IL17RC: variants seen among roughly 807,000 people sequenced by gnomAD.
IL17RC encodes the protein interleukin 17 receptor C.
IL17RC carries 53 observed loss-of-function variants against 86.7 expected under a neutral mutation model. The observed-to-expected ratio is 0.61, with a 90% CI of 0.49 to 0.77. The LOEUF (loss-of-function observed/expected upper bound fraction) is 0.77, where lower values mean the gene tolerates loss of function less well. Ranked by LOEUF, IL17RC falls within the 30% of genes least tolerant of loss-of-function variation. The probability of loss-of-function intolerance (pLI) is 0.00; values close to 1 mark genes in which losing one functional copy is unlikely to be tolerated. For synonymous variants in IL17RC, 439 were observed against 413.1 expected, an observed-to-expected ratio of 1.06 and a Z score of -0.76; for missense variants, 957 against 940.0, an observed-to-expected ratio of 1.02 and a Z score of -0.24.
chr3:9,933,055 TGC>T lies in IL17RC; in HGVS notation c.1629_1630del (p.Val544GlyfsTer9), dbSNP rs759393049. ...GCGTCGGCCCTGTGCCAGCTGCCGC[TGC>T]GCGTGGCCGTAGACCTGTGGAGCCG... On this transcript the variant is annotated frameshift_variant, in exon 19 of 19. Coordinates refer to ENST00000403601, the MANE Select transcript of IL17RC (RefSeq NM_153460.4). LOFTEE classifies it low-confidence loss of function (END_TRUNC). 1 of 1,546,826 alleles carries T rather than the reference TGC, an allele frequency of 6.5e-7. No homozygotes were observed. Among genetic ancestry groups the T allele is most frequent in the Non-Finnish European group, 8.6e-7 (1 of 1,156,590 alleles).
At position 9,933,393 on chromosome 3, in the gene IL17RC, C is replaced by T; in HGVS notation, c.1963C>T (p.Leu655=). The T allele has an allele frequency of 1.2e-6, 2 of 1,613,242 alleles. No homozygotes were observed. The highest frequency in any genetic ancestry group is 1.1e-5 in the South Asian group (1 of 90,990). The part of the protein sequence containing the change: ...ALFRTVPVFT[L]PSQLPDFLGA... ...TTTCCGCACCGTGCCCGTCTTCACA[C>T]TGCCCTCCCAACTGCCAGACTTCCT... The change falls in exon 19 of 19, where the codon CTG becomes TTG. Residue 655 remains leucine (L), a synonymous_variant. Coordinates refer to ENST00000403601, the MANE Select transcript of IL17RC (RefSeq NM_153460.4).
chr3:9,919,887 AAG>A (rs2083404355), intron 5 of IL17RC, among the ~76,000 whole-genome samples: 1 of 152,080 alleles, frequency 6.6e-6, no homozygotes, highest in African/African-American at 2.4e-5. Context: ...GGACCAAAGA[AAG>A]AGTCCTACCA....
Position 9,917,137 on chromosome 3 carries a change from A to G in IL17RC, c.-179A>G. ...CCGTGCTGGAAGTAGGAGGAGAGTC[A>G]GGACTCCCAGGACAGAGAGTGCACA... is the stretch of plus-strand genomic sequence containing the variant. On this transcript the variant is annotated 5_prime_UTR_variant, in exon 1 of 19. Coordinates refer to ENST00000403601, the MANE Select transcript of IL17RC (RefSeq NM_153460.4). 1.7e-6 allele frequency: 1 copy of G among 597,872 alleles called. No individual in the cohort carries two copies. Among genetic ancestry groups the G allele is most frequent in the Non-Finnish European group, 3.0e-6 (1 of 337,202 alleles). The allele number at this position is 597,872 out of a possible 1,614,324, so 37.0% of individuals were successfully genotyped here.
At chr3:9,917,606 G>C in intron 1 of IL17RC, 107 bp from the exon 2 acceptor site, 1 of 1,614,146 alleles carries the variant, frequency 6.2e-7, no homozygotes, top group African/African-American at 1.3e-5. Context: ...CTCTGGGAGG[G>C]TCTGGGAATA....
chr3:9,931,471 A>ACACATATATATATATAATAAGTGTG (rs1491160591), intron 16 of IL17RC, among the ~76,000 whole-genome samples: 1 of 5,254 alleles, frequency 1.9e-4, no homozygotes, highest in African/African-American at 2.3e-4. Flanking sequence ...ACACACACAC[A>ACACATATATATATATAATAAGTGTG]TATATATATA....
chr3:9,917,588 C>T (rs750101907), intron 1 of IL17RC, 125 bp from the exon 2 acceptor site: 3 of 1,614,134 alleles, frequency 1.9e-6, no homozygotes, highest in Admixed American at 1.7e-5. Context: ...AGAGCTGGGT[C>T]TGTCTTTCTC....
rs1192758172 is a variant in IL17RC, at chr3:9,918,580, G to A, written c.436G>A (p.Ala146Thr). ...CGTCCTGCTGGAGGTGCAAGTGCCT[G>A]CTGCCCTTGTGCAGTTTGGTCAGTC... ...RCVLLEVQVP[A>T]ALVQFGQSVG... is the part of the protein sequence containing the mutation. Residue 146 changes from alanine (A) to threonine (T), a missense_variant, in exon 5 of 19, where the codon GCT (alanine) becomes ACT (threonine). Ala to Thr is a moderately conservative substitution (Grantham distance 58). Transcript: ENST00000403601. The A allele has an allele frequency of 6.2e-7, 1 of 1,613,842 alleles. No individual in the cohort carries two copies. The highest frequency in any genetic ancestry group is 1.7e-5 in the Admixed American group (1 of 60,024).
Position 9,928,166 on chromosome 3 carries a change from G to A in IL17RC, c.823G>A (p.Val275Met), listed in dbSNP as rs200405939. Residue 275 changes from valine to methionine, a missense_variant and splice_region_variant, in exon 10 of 19, where the codon GTG (valine) becomes ATG (methionine). Val to Met is a conservative substitution (Grantham distance 21). Coordinates refer to ENST00000403601, the MANE Select transcript of IL17RC (RefSeq NM_153460.4). ...GAGCAGACCCCCATTTCCTTTCCAG[G>A]TGTGGCCTCTGGAACCTGACTCCGT... ...TDLVPCLCIQ[V>M]WPLEPDSVRT... 355 of 1,614,078 alleles carry A rather than the reference G, an allele frequency of 2.2e-4. No individual in the cohort carries two copies. The highest frequency in any genetic ancestry group is 2.9e-4 in the Non-Finnish European group (342 of 1,179,952).
intron 16 of IL17RC, among the ~76,000 whole-genome samples, chr3:9,931,782 G>A (rs1196509756): frequency 1.3e-5 from 2 of 150,866 alleles, no homozygotes; most frequent in African/African-American, 4.9e-5. Context: ...TGGGATTATA[G>A]TCGTGAGTCA....
In IL17RC at chr3:9,923,880, G is replaced by C. The variant is rs1421379013; in HGVS notation, c.623-1G>C. ...TGCGCTCTCTTTGCCTCTCCCACCA[G>C]CCCTGCCCTGGCTCAACGTGTCAGC... On this transcript the variant is annotated splice_acceptor_variant, in intron 7 of 18. Transcript: ENST00000403601. LOFTEE classifies it high-confidence loss of function. 1.2e-6 allele frequency: 2 copies of C among 1,613,902 alleles called. No homozygotes were observed. Among genetic ancestry groups the C allele is most frequent in the Admixed American group, 3.3e-5 (2 of 60,010 alleles).
At chr3:9,928,809 G>A (rs115727962) in intron 12 of IL17RC, among the ~76,000 whole-genome samples, 179 bp downstream of exon 12, 310 of 152,246 alleles carry the variant, frequency 2.0e-3, no homozygotes, top group African/African-American at 7.1e-3. Context: ...CTCTCTGAAC[G>A]TCAGTTTCCT....
chr3:9,930,487 T>C lies in IL17RC; in HGVS notation c.1338+28T>C. 6.2e-7 allele frequency: 1 copy of C among 1,609,184 alleles called. No individual in the cohort carries two copies. Among genetic ancestry groups the C allele is most frequent in the Non-Finnish European group, 8.5e-7 (1 of 1,175,992 alleles). On this transcript the variant is annotated intron_variant, in intron 15 of 18. Coordinates refer to ENST00000403601, the MANE Select transcript of IL17RC (RefSeq NM_153460.4). This position sits in a 1 kb window ranked among gnomAD's most constrained non-coding sequence, Gnocchi z 5.8. Reference sequence around the variant, plus strand: ...GAGCTGGTGGAAGAAGGGCCCCACCTCAATGCCTAGGGGCAACAGGCCTAA... The same window carrying C: ...GAGCTGGTGGAAGAAGGGCCCCACCCCAATGCCTAGGGGCAACAGGCCTAA...
At chr3:9,927,927 C>T (rs896379890) in intron 9 of IL17RC, among the ~76,000 whole-genome samples, 9 of 150,538 alleles carry the variant, frequency 6.0e-5, no homozygotes, top group East Asian at 1.9e-4. Context: ...CCAGCCTGGG[C>T]GACAGAGCGA....
chr3:9,925,921 A>C (rs951617729), intron 9 of IL17RC, among the ~76,000 whole-genome samples: 1 of 148,714 alleles, frequency 6.7e-6, no homozygotes, highest in Non-Finnish European at 1.5e-5. Flanking sequence ...GTGCAGTGGC[A>C]TGAACACGTC....
At chr3:9,932,572 G>C (rs755165027) in intron 16 of IL17RC, 36 bp from the exon 17 acceptor site, 2 of 1,574,754 alleles carry the variant, frequency 1.3e-6, no homozygotes, top group Non-Finnish European at 1.7e-6. Flanking sequence ...CTCTGTGGAG[G>C]GTAAGTTTCT....
At chr3:9,926,110 T>G (rs899948733) in intron 9 of IL17RC, among the ~76,000 whole-genome samples, 34 of 149,470 alleles carry the variant, frequency 2.3e-4, no homozygotes, top group Non-Finnish European at 4.1e-4. Context: ...CTCGGCTCAC[T>G]GCAACTTCCG....
intron 5 of IL17RC, among the ~76,000 whole-genome samples, chr3:9,919,515 G>T (rs1305943005): frequency 6.6e-6 from 1 of 152,026 alleles, no homozygotes; most frequent in African/African-American, 2.4e-5. Flanking sequence ...GCATGGTGGT[G>T]GGCGCCTGTA....
At chr3:9,928,757 C>A in intron 12 of IL17RC, 127 bp downstream of exon 12, 1 of 971,832 alleles carries the variant, frequency 1.0e-6, no homozygotes, top group Non-Finnish European at 1.6e-6. Flanking sequence ...AGTTCCACTG[C>A]CTACTTTAGT....
chr3:9,918,183 C>A, intron 3 of IL17RC, 108 bp downstream of exon 3: 1 of 1,360,834 alleles, frequency 7.3e-7, no homozygotes. Context: ...CAGTGTTCTC[C>A]TGGAGGACAC....
Sources: gnomAD v4.1 joint callset for allele counts (sites outside exome capture counted in the v4.1 genomes callset) on GRCh38, gnomAD v4.1.1 for gene constraint, Gnocchi (gnomAD v3.1) non-coding constraint, MANE v1.5 for transcripts, NCBI Gene and HGNC (gene_info 2026-07-23, HGNC 2026-07-21) for gene names.